Variants in GRK5 observed in about 807,000 individuals in gnomAD.
GRK5 encodes the protein g protein-coupled receptor kinase GRK5.
GRK5 carries 40 observed loss-of-function variants against 78.4 expected under a neutral mutation model. The ratio of observed to expected loss-of-function variants is 0.51; its 90% confidence interval spans 0.40 to 0.66. The LOEUF (loss-of-function observed/expected upper bound fraction) is 0.66, where lower values mean the gene tolerates loss of function less well. GRK5 is among the 30% of genes least tolerant of loss of function. GRK5 has a pLI of 0.00. For synonymous variants in GRK5, 289 were observed against 296.8 expected, an observed-to-expected ratio of 0.97 and a Z score of 0.27; for missense variants, 598 against 759.9, an observed-to-expected ratio of 0.79 and a Z score of 2.50.
At chr10:119,258,506 C>T (rs1346678883) in intron 1 of GRK5, among the ~76,000 whole-genome samples, 1 of 152,242 alleles carries the variant, frequency 6.6e-6, no homozygotes, top group East Asian at 1.9e-4. Context: ...AACCTGCAAG[C>T]TGCTTTCCAA....
chr10:119,334,550 G>A (rs1342458495), intron 2 of GRK5: 5 of 152,192 alleles, frequency 3.3e-5, no homozygotes, highest in African/African-American at 9.7e-5. Context: ...TAGGATGTCC[G>A]AAACTTGGAA....
Position 119,217,698 on chromosome 10 carries a change from A to T in GRK5, c.52+9729A>T, listed in dbSNP as rs1418606039. Among the ~76,000 whole-genome samples the T allele has an allele frequency of 1.3e-5, 2 of 152,186 alleles. No homozygotes were observed. The highest frequency in any genetic ancestry group is 2.9e-5 in the Non-Finnish European group (2 of 68,020). ...AGCAGCACCACCTCCTTTCCTTGGC[A>T]GAGGCAAGAGGTGGGCAGCGGGCAT... is the stretch of plus-strand genomic sequence containing the variant. On this transcript the variant is annotated intron_variant, in intron 1 of 15. Transcript: ENST00000392870. This position sits in a 1 kb window ranked among gnomAD's most constrained non-coding sequence, Gnocchi z 4.1.
chr10:119,396,195 C>T (rs1232605227), intron 3 of GRK5, among the ~76,000 whole-genome samples: 2 of 152,202 alleles, frequency 1.3e-5, no homozygotes, highest in East Asian at 1.9e-4. Flanking sequence ...GTACCATCTG[C>T]GTTTTATAGA....
chr10:119,272,910 T>G (rs1435044931), intron 1 of GRK5, among the ~76,000 whole-genome samples: 2 of 152,182 alleles, frequency 1.3e-5, no homozygotes, highest in Non-Finnish European at 2.9e-5. Context: ...CTCCGCAGGC[T>G]GAGGGTTGAT....
chr10:119,401,431 G>GT (rs1852148108), intron 4 of GRK5, among the ~76,000 whole-genome samples: 1 of 152,214 alleles, frequency 6.6e-6, no homozygotes, highest in Non-Finnish European at 1.5e-5. Context: ...CTTGGAAGGG[G>GT]TTGAAAGCTG....
intron 2 of GRK5, among the ~76,000 whole-genome samples, chr10:119,331,299 G>A (rs1465535385): frequency 8.5e-5 from 13 of 152,214 alleles, no homozygotes; most frequent in Admixed American, 6.5e-4. Context: ...TGTGAGTGCC[G>A]TGGGAGAGAG....
intron 2 of GRK5, among the ~76,000 whole-genome samples, chr10:119,374,013 C>G (rs1851587856): frequency 2.0e-5 from 3 of 152,072 alleles, no homozygotes; most frequent in Admixed American, 1.3e-4. Context: ...AGTTTGCCTA[C>G]CCTTGCCTTA....
Position 119,452,185 on chromosome 10 carries a change from G to T in GRK5, c.1405-486G>T, listed in dbSNP as rs753403139. Reference sequence around the variant, plus strand: ...CTGACAGCAGCCCCATCGCCCAGGTGCCTCGTTGTCCCCATTTTGCCGGTA... The same window carrying T: ...CTGACAGCAGCCCCATCGCCCAGGTTCCTCGTTGTCCCCATTTTGCCGGTA... On this transcript the variant is annotated intron_variant, in intron 13 of 15. Coordinates refer to ENST00000392870, the MANE Select transcript of GRK5 (RefSeq NM_005308.3). This position sits in a 1 kb window ranked among gnomAD's most constrained non-coding sequence, Gnocchi z 4.4. 2.6e-5 allele frequency among the ~76,000 whole-genome samples: 4 copies of T among 152,232 alleles called. No homozygotes were observed. The highest frequency in any genetic ancestry group is 5.9e-5 in the Non-Finnish European group (4 of 68,036).
chr10:119,390,728 C>T (rs148969213), intron 3 of GRK5, among the ~76,000 whole-genome samples: 9 of 152,174 alleles, frequency 5.9e-5, no homozygotes, highest in East Asian at 3.9e-4. Context: ...TATCAGATCT[C>T]GTGAGACTTA....
chr10:119,210,515 G>A (rs1980030), intron 1 of GRK5, among the ~76,000 whole-genome samples: 72,310 of 151,934 alleles, frequency 0.48, 18,870 homozygotes, highest in South Asian at 0.59. Context: ...ACTAAACTTA[G>A]TAGTTCTCCA....
rs1162283748 is a variant in GRK5, at chr10:119,267,647, C to T, written c.53-58869C>T. 6.6e-6 allele frequency among the ~76,000 whole-genome samples: 1 copy of T among 152,188 alleles called. No homozygotes were observed. Among genetic ancestry groups the T allele is most frequent in the South Asian group, 2.1e-4 (1 of 4,830 alleles). ...AAAAGCACCGAACCAGCCTTAGGTT[C>T]TATAGCAAGGAGGTCCAGCACCGCT... On this transcript the variant is annotated intron_variant, in intron 1 of 15. Coordinates refer to ENST00000392870, the MANE Select transcript of GRK5 (RefSeq NM_005308.3). The surrounding 1 kb of genome is among the most constrained non-coding windows in gnomAD (Gnocchi z 4.1).
chr10:119,229,520 G>A (rs190170026), intron 1 of GRK5, among the ~76,000 whole-genome samples: 8 of 152,230 alleles, frequency 5.3e-5, no homozygotes, highest in African/African-American at 1.4e-4. Flanking sequence ...TGCAAAATCC[G>A]AGTCAATTGA....
Position 119,217,726 on chromosome 10 carries a change from C to G in GRK5, c.52+9757C>G, listed in dbSNP as rs1040608438. ...GGCAAGAGGTGGGCAGCGGGCATGC[C>G]AGTTCCTGCTGGCTCACCACACATA... On this transcript the variant is annotated intron_variant, in intron 1 of 15. Transcript: ENST00000392870. This position sits in a 1 kb window ranked among gnomAD's most constrained non-coding sequence, Gnocchi z 4.1. Among the ~76,000 whole-genome samples the G allele has an allele frequency of 6.6e-6, 1 of 152,192 alleles. No individual in the cohort carries two copies. The highest frequency in any genetic ancestry group is 2.4e-5 in the African/African-American group (1 of 41,440).
At chr10:119,214,523 G>A (rs548255101) in intron 1 of GRK5, among the ~76,000 whole-genome samples, 2 of 152,168 alleles carry the variant, frequency 1.3e-5, no homozygotes, top group East Asian at 3.9e-4. Flanking sequence ...AGGGGTTTTT[G>A]TTTTGTTTTG....
intron 5 of GRK5, among the ~76,000 whole-genome samples, chr10:119,424,157 G>A (rs900446527): frequency 6.6e-6 from 1 of 152,184 alleles, no homozygotes; most frequent in African/African-American, 2.4e-5. Context: ...CCAGGAATCA[G>A]ATCCAACAGT....
At chr10:119,258,639 AGACTCTGCCTC>A (rs1715527625) in intron 1 of GRK5, among the ~76,000 whole-genome samples, 1 of 152,214 alleles carries the variant, frequency 6.6e-6, no homozygotes, top group Non-Finnish European at 1.5e-5. Context: ...CAAGGAACAA[AGACTCTGCCTC>A]CCTTGCCTGT....
At chr10:119,223,846 A>G (rs976108264) in intron 1 of GRK5, among the ~76,000 whole-genome samples, 2 of 152,038 alleles carry the variant, frequency 1.3e-5, no homozygotes, top group Non-Finnish European at 2.9e-5. Context: ...AGTAAACCCA[A>G]GTCGGCCTGT....
intron 4 of GRK5, among the ~76,000 whole-genome samples, chr10:119,398,625 C>T (rs1489177953): frequency 1.3e-5 from 2 of 152,240 alleles, no homozygotes; most frequent in Admixed American, 6.5e-5. Flanking sequence ...TTGAGGACTC[C>T]TTGTGTCAGG....
In GRK5 at chr10:119,453,217, A is replaced by G. The variant is rs779313655; in HGVS notation, c.1615A>G (p.Arg539Gly). ...TGGTACCCTCCCGCCAGATCTGAACAGAAACCACCCTCCGGAACCGCCCAA... is the reference window on the plus strand; with the variant it reads ...TGGTACCCTCCCGCCAGATCTGAACGGAAACCACCCTCCGGAACCGCCCAA... ...PNGTLPPDLNRNHPPEPPKKG... is the reference protein window; with the variant it reads ...PNGTLPPDLNGNHPPEPPKKG... The change falls in exon 15 of 16, where the codon AGA becomes GGA. Residue 539 changes from arginine to glycine, a missense_variant. Physicochemically the swap from Arg to Gly is moderately radical, Grantham distance 125. Transcript: ENST00000392870. The G allele has an allele frequency of 6.2e-6, 10 of 1,613,748 alleles. No homozygotes were observed. In the South Asian group the frequency reaches 1.1e-4, roughly 18 times the overall value.
Sources: allele counts gnomAD v4.1 joint callset (sites outside exome capture counted in the v4.1 genomes callset), GRCh38; gene constraint gnomAD v4.1.1; non-coding constraint Gnocchi (gnomAD v3.1); transcripts MANE v1.5; gene names NCBI Gene and HGNC (gene_info 2026-07-23, HGNC 2026-07-21).